IL23R: variants seen among roughly 807,000 people sequenced by gnomAD.
IL23R encodes the protein interleukin 23 receptor.
IL23R carries 34 observed loss-of-function variants against 56.9 expected under a neutral mutation model. The observed-to-expected ratio is 0.60, with a 90% CI of 0.45 to 0.80. IL23R has a LOEUF of 0.80. Ranked by LOEUF, IL23R falls within the 30% of genes least tolerant of loss-of-function variation. IL23R has a pLI of 0.00. For missense variants in IL23R, 635 were observed against 730.0 expected, an observed-to-expected ratio of 0.87 and a Z score of 1.50; for synonymous variants, 230 against 249.2, an observed-to-expected ratio of 0.92 and a Z score of 0.73.
intron 4 of IL23R, among the ~76,000 whole-genome samples, chr1:67,191,793 CATTTACTATCCGAGCATTTA>C (rs1647768570): frequency 6.6e-6 from 1 of 152,158 alleles, no homozygotes; most frequent in African/African-American, 2.4e-5. Flanking sequence ...ACTTATGAAA[CATTTACTATCCGAGCATTTA>C]ATGTAGCTCT....
intron 3 of IL23R, among the ~76,000 whole-genome samples, chr1:67,174,620 A>G (rs911204741): frequency 3.3e-5 from 5 of 152,060 alleles, no homozygotes; most frequent in Non-Finnish European, 5.9e-5. Flanking sequence ...ATGAACTAAG[A>G]GAGCCACACC....
chr1:67,195,767 T>C (rs1648101713), intron 4 of IL23R, among the ~76,000 whole-genome samples: 2 of 152,186 alleles, frequency 1.3e-5, no homozygotes, highest in Non-Finnish European at 2.9e-5. Context: ...GCTGAGGTTG[T>C]CTTGTTCTGA....
Position 67,168,079 on chromosome 1 carries a change from AT to A in IL23R, c.-29-5del, listed in dbSNP as rs757334721. Reference sequence around the variant, plus strand: ...ATACTACAATTTAAACATTTTTCATATTTTTTTTCCAGAGGGAAACAGTCTT... The same window carrying A: ...ATACTACAATTTAAACATTTTTCATATTTTTTTCCAGAGGGAAACAGTCTT... On this transcript the variant is annotated splice_polypyrimidine_tract_variant and intron_variant, in intron 1 of 10. Transcript: ENST00000347310. 157 of 1,366,042 alleles carry A rather than the reference AT, an allele frequency of 1.1e-4. No homozygotes were observed. Among genetic ancestry groups the A allele is most frequent in the Non-Finnish European group, 1.5e-4 (146 of 955,766 alleles). The allele number at this position is 1,366,042 out of a possible 1,614,324, so 84.6% of individuals were successfully genotyped here.
intron 4 of IL23R, among the ~76,000 whole-genome samples, chr1:67,192,969 G>C (rs1647860610): frequency 6.6e-6 from 1 of 152,160 alleles, no homozygotes. Flanking sequence ...ATCAAAGCCA[G>C]AGTCCCTCAA....
intron 9 of IL23R, among the ~76,000 whole-genome samples, chr1:67,253,445 C>T (rs962728585): frequency 6.6e-6 from 1 of 152,248 alleles, no homozygotes; most frequent in African/African-American, 2.4e-5. Flanking sequence ...TGTTCTTTGC[C>T]GAATTGGCAC....
At chr1:67,215,096 G>A (rs1649746145) in intron 6 of IL23R, among the ~76,000 whole-genome samples, 1 of 152,134 alleles carries the variant, frequency 6.6e-6, no homozygotes, top group Non-Finnish European at 1.5e-5. Flanking sequence ...CCCTTTAAAA[G>A]GACAGAAATT....
At position 67,219,788 on chromosome 1, in the gene IL23R, G is replaced by A. The variant is rs1227180152; in HGVS notation, c.955+58G>A. On this transcript the variant is annotated intron_variant, in intron 7 of 10. Transcript: ENST00000347310. ...CTTTTCTTTATATATCTTTTCTGCTGAGCACAGTGGCTCACACCTATAATT... is the reference window on the plus strand; with the variant it reads ...CTTTTCTTTATATATCTTTTCTGCTAAGCACAGTGGCTCACACCTATAATT... 8 of 1,498,666 alleles carry A rather than the reference G, an allele frequency of 5.3e-6. No individual in the cohort carries two copies. In the East Asian group the frequency reaches 1.6e-4, roughly 30 times the overall value. 92.8% of individuals were successfully genotyped at this position (1,498,666 alleles called of 1,614,324 possible). A position where few individuals can be genotyped will look rare whatever the true frequency, so the allele number is the denominator to read the frequency against.
At chr1:67,199,797 T>C (rs1476634228) in intron 4 of IL23R, among the ~76,000 whole-genome samples, 1 of 152,134 alleles carries the variant, frequency 6.6e-6, no homozygotes, top group Non-Finnish European at 1.5e-5. Flanking sequence ...CAGATTTGAA[T>C]TTATTTTTTA....
intron 5 of IL23R, among the ~76,000 whole-genome samples, chr1:67,205,905 T>TTC (rs1183745055): frequency 1.6e-5 from 2 of 124,236 alleles, no homozygotes; most frequent in African/African-American, 5.3e-5. Flanking sequence ...CTTTCTTTCT[T>TTC]TCTTTCTTTC....
intron 5 of IL23R, among the ~76,000 whole-genome samples, chr1:67,204,288 C>T (rs1448974246): frequency 6.6e-6 from 1 of 152,136 alleles, no homozygotes; most frequent in East Asian, 1.9e-4. Flanking sequence ...TGGTCTCGAT[C>T]TCCTGACCTC....
intron 6 of IL23R, among the ~76,000 whole-genome samples, chr1:67,210,629 ATTTATT>A (rs1450602662): frequency 6.6e-6 from 1 of 151,964 alleles, no homozygotes; most frequent in Non-Finnish European, 1.5e-5. Context: ...TGCCTGGCTA[ATTTATT>A]TTTATTTTTA....
chr1:67,173,613 G>A (rs1570780604), intron 3 of IL23R, among the ~76,000 whole-genome samples: 1 of 152,010 alleles, frequency 6.6e-6, no homozygotes, highest in Non-Finnish European at 1.5e-5. Flanking sequence ...GCTACAAGTC[G>A]CCAAAATGTT....
chr1:67,194,816 A>G (rs1403816290), intron 4 of IL23R, among the ~76,000 whole-genome samples: 1 of 152,222 alleles, frequency 6.6e-6, no homozygotes, highest in Non-Finnish European at 1.5e-5. Flanking sequence ...ATTCTTACTT[A>G]GCATGAGGTT....
chr1:67,263,937 A>G (rs1653278974), downstream of IL23R, among the ~76,000 whole-genome samples: 1 of 151,924 alleles, frequency 6.6e-6, no homozygotes, highest in Admixed American at 6.6e-5. Flanking sequence ...CTGTTGAAAC[A>G]GACCTTGGAG....
intron 7 of IL23R, among the ~76,000 whole-genome samples, chr1:67,228,363 C>CTTTTTTTTTTTTTTTTT (rs78083258): frequency 7.6e-5 from 8 of 105,792 alleles, no homozygotes; most frequent in Admixed American, 1.3e-4. Context: ...TTTTTTCTTC[C>CTTTTTTTTTTTTTTTTT]TTTTTTTTTT....
chr1:67,150,042 C>G (rs1476785512), intron 1 of IL23R, among the ~76,000 whole-genome samples: 1 of 152,116 alleles, frequency 6.6e-6, no homozygotes, highest in Non-Finnish European at 1.5e-5. Flanking sequence ...TAGGAATTTT[C>G]TGGGCTCAAT....
At chr1:67,211,545 T>A (rs1649471195) in intron 6 of IL23R, among the ~76,000 whole-genome samples, 1 of 151,628 alleles carries the variant, frequency 6.6e-6, no homozygotes, top group South Asian at 2.1e-4. Flanking sequence ...ATCGCTTGAA[T>A]CTGGGAGGTG....
intron 1 of IL23R, among the ~76,000 whole-genome samples, chr1:67,149,118 C>T (rs1646706789): frequency 6.6e-6 from 1 of 152,188 alleles, no homozygotes; most frequent in Non-Finnish European, 1.5e-5. Flanking sequence ...ATAGGGTTCC[C>T]ACACAATTTA....
At chr1:67,231,314 T>C (rs954728909) in intron 7 of IL23R, among the ~76,000 whole-genome samples, 2 of 152,158 alleles carry the variant, frequency 1.3e-5, no homozygotes, top group Non-Finnish European at 2.9e-5. Context: ...ATGATATACA[T>C]CCAAAACCTA....
Sources: gnomAD v4.1 joint callset for allele counts (sites outside exome capture counted in the v4.1 genomes callset) on GRCh38, gnomAD v4.1.1 for gene constraint, MANE v1.5 for transcripts, NCBI Gene and HGNC (gene_info 2026-07-23, HGNC 2026-07-21) for gene names.